Variants in SMARCA2 observed in about 807,000 individuals in gnomAD.
The protein encoded by SMARCA2 is SWI/SNF-related matrix-associated actin-dependent regulator of chromatin subfamily A member 2.
SMARCA2 carries 61 observed loss-of-function variants against 199.8 expected under a neutral mutation model. The ratio of observed to expected loss-of-function variants is 0.31; its 90% CI spans 0.25 to 0.38. The LOEUF (loss-of-function observed/expected upper bound fraction) is 0.38, where lower values mean the gene tolerates loss of function less well. SMARCA2 is among the 10% of genes least tolerant of loss of function. The pLI is 1.00. For synonymous variants in SMARCA2, 935 were observed against 732.0 expected (o/e 1.28, Z -4.48); for missense variants, 1,344 against 2,012.2 (o/e 0.67, Z 6.35).
intron 9 of SMARCA2, among the ~76,000 whole-genome samples, chr9:2,066,570 C>A (rs895375711): frequency 5.3e-5 from 8 of 152,156 alleles, no homozygotes; most frequent in Non-Finnish European, 8.8e-5. Flanking sequence ...CCTATCATGT[C>A]CCCTTACATG....
chr9:2,137,136 T>G (rs965402517), intron 27 of SMARCA2, among the ~76,000 whole-genome samples: 1 of 152,198 alleles, frequency 6.6e-6, no homozygotes, highest in African/African-American at 2.4e-5. Context: ...TTCATTCACC[T>G]TTGAGAAAAG....
At chr9:2,064,908 G>C (rs1372804506) in intron 9 of SMARCA2, among the ~76,000 whole-genome samples, 1 of 152,216 alleles carries the variant, frequency 6.6e-6, no homozygotes, top group African/African-American at 2.4e-5. Flanking sequence ...CCATCAGCTG[G>C]GTGCGGCGGC....
At chr9:2,178,169 T>G (rs1220521292) in intron 29 of SMARCA2, among the ~76,000 whole-genome samples, 1 of 152,154 alleles carries the variant, frequency 6.6e-6, no homozygotes, top group Non-Finnish European at 1.5e-5. Context: ...CATGGCCACG[T>G]CGCGGTGTCT....
At position 2,119,991 on chromosome 9, in the gene SMARCA2, C is replaced by A. The variant is rs1472611754; in HGVS notation, c.3762+456C>A. Among the ~76,000 whole-genome samples, 1 of 152,176 alleles carries A rather than the reference C, an allele frequency of 6.6e-6. No homozygotes were observed. Among genetic ancestry groups the A allele is most frequent in the African/African-American group, 2.4e-5 (1 of 41,432 alleles). On this transcript the variant is annotated intron_variant, in intron 26 of 33. Transcript: ENST00000349721. This position sits in a 1 kb window ranked among gnomAD's most constrained non-coding sequence, Gnocchi z 4.6. ...TAGGCATTGGAACTTACAACAGTGC[C>A]CTTACAGGATCAAAGCAACATGCTC...
In SMARCA2 at chr9:2,185,143, G is replaced by C. The variant is rs558509869; in HGVS notation, c.4462-953G>C. Among the ~76,000 whole-genome samples the C allele has an allele frequency of 3.5e-4, 53 of 152,146 alleles. No homozygotes were observed. In the South Asian group the frequency reaches 0.011, roughly 32 times the overall value. The stretch of plus-strand genomic sequence containing the variant: ...CAGATCTTCAGAACTTTTTAATCTT[G>C]CGACTCTGAAACTGCGTGCCTACGA... On this transcript the variant is annotated intron_variant, in intron 31 of 33. Coordinates refer to ENST00000349721, the MANE Select transcript of SMARCA2 (RefSeq NM_003070.5).
intron 9 of SMARCA2, among the ~76,000 whole-genome samples, chr9:2,062,161 G>A (rs1308283295): frequency 1.3e-5 from 2 of 152,182 alleles, no homozygotes; most frequent in Non-Finnish European, 2.9e-5. Context: ...CCACTGAACT[G>A]TAGACTTAAG....
At chr9:2,175,625 T>G (rs977045525) in intron 29 of SMARCA2, among the ~76,000 whole-genome samples, 59 of 152,214 alleles carry the variant, frequency 3.9e-4, no homozygotes, top group Non-Finnish European at 3.4e-4. Flanking sequence ...GATATTTGAC[T>G]TATGGCATGT....
rs760040942 is a variant in SMARCA2, at chr9:2,084,098, A to G, written c.2428A>G (p.Met810Val). The change falls in exon 17 of 34, where the codon ATG becomes GTG. Residue 810 changes from methionine to valine, a missense_variant. By Grantham distance (21) the Met-to-Val change is conservative. Around this residue, in one of 18 missense-constraint regions of SMARCA2, gnomAD observed 50 missense variants for 81.6 expected, o/e 0.61. Coordinates refer to ENST00000349721, the MANE Select transcript of SMARCA2 (RefSeq NM_003070.5). Reference protein sequence around the residue: ...VKISYKGTPAMRRSLVPQLRS... With the variant: ...VKISYKGTPAVRRSLVPQLRS... ...TCTTTCCATTCAGGGTACTCCTGCCATGCGTCGCTCCCTTGTCCCCCAGCT... is the reference window on the plus strand; with the variant it reads ...TCTTTCCATTCAGGGTACTCCTGCCGTGCGTCGCTCCCTTGTCCCCCAGCT... 13 of 1,606,262 alleles carry G rather than the reference A, an allele frequency of 8.1e-6. No homozygotes were observed. The highest frequency in any genetic ancestry group is 6.7e-5 in the East Asian group (3 of 44,872).
At position 2,169,561 on chromosome 9, in the gene SMARCA2, C is replaced by A. The variant is rs1406623169; in HGVS notation, c.4200-858C>A. Reference sequence around the variant, plus strand: ...TTATGCTTTTCCCTCTCTGCAACACCCCGACCCCACACTGACTCTAGAGCA... The same window carrying A: ...TTATGCTTTTCCCTCTCTGCAACACACCGACCCCACACTGACTCTAGAGCA... On this transcript the variant is annotated intron_variant, in intron 28 of 33. Transcript: ENST00000349721. This position sits in a 1 kb window ranked among gnomAD's most constrained non-coding sequence, Gnocchi z 6.5. 6.6e-6 allele frequency among the ~76,000 whole-genome samples: 1 copy of A among 152,110 alleles called. No individual in the cohort carries two copies. Among genetic ancestry groups the A allele is most frequent in the East Asian group, 1.9e-4 (1 of 5,196 alleles).
chr9:2,032,763 T>C (rs1486563401), intron 2 of SMARCA2, 189 bp from the exon 3 acceptor site: 34 of 486,732 alleles, frequency 7.0e-5, no homozygotes, highest in East Asian at 4.8e-4. Context: ...CCTCCACTGT[T>C]TAAAGACTTA....
chr9:2,064,427 C>A lies in SMARCA2; in HGVS notation c.1692+3441C>A, dbSNP rs1015220201. Among the ~76,000 whole-genome samples the A allele has an allele frequency of 7.9e-5, 12 of 152,174 alleles. No homozygotes were observed. The East Asian group carries it at 1.9e-3, about 24-fold the overall frequency. On this transcript the variant is annotated intron_variant, in intron 9 of 33. Coordinates refer to ENST00000349721, the MANE Select transcript of SMARCA2 (RefSeq NM_003070.5). ...TTTATCTAAAGCATGTAGAATACAC[C>A]CTAACATATAGTAAGTGCTCAGTAA...
In SMARCA2 at chr9:2,029,088, C is replaced by T. The variant is rs780915633; in HGVS notation, c.66C>T (p.Ser22=). 1.5e-5 allele frequency: 24 copies of T among 1,582,456 alleles called. No homozygotes were observed. The highest frequency in any genetic ancestry group is 1.9e-5 in the Non-Finnish European group (22 of 1,162,638). Residue 22 remains serine, a synonymous_variant, in exon 2 of 34, where the codon TCC becomes TCT. Coordinates refer to ENST00000349721, the MANE Select transcript of SMARCA2 (RefSeq NM_003070.5). ...GGCCTTCGCCGGGGCCTGGGCCTTC[C>T]CCTGGGCCAATTCTTGGGCCTAGTC... is the stretch of plus-strand genomic sequence containing the variant. ...HPGPSPGPGP[S]PGPILGPSPG...
At position 2,170,996 on chromosome 9, in the gene SMARCA2, T is replaced by C. The variant is rs117905076; in HGVS notation, c.4253+524T>C. 0.011 allele frequency among the ~76,000 whole-genome samples: 1,616 copies of C among 152,300 alleles called. 18 individuals carry two copies. Among genetic ancestry groups the C allele is most frequent in the Non-Finnish European group, 0.016 (1,089 of 68,028 alleles). ...CTCTTGTTTGTGTGATGGGTTGGGTTTCAGGGTGTGACTCCTGGGCCTACC... is the reference window on the plus strand; with the variant it reads ...CTCTTGTTTGTGTGATGGGTTGGGTCTCAGGGTGTGACTCCTGGGCCTACC... On this transcript the variant is annotated intron_variant, in intron 29 of 33. Transcript: ENST00000349721. The surrounding 1 kb of genome is among the most constrained non-coding windows in gnomAD (Gnocchi z 4.7).
chr9:2,107,317 A>AT (rs779802154), intron 23 of SMARCA2, among the ~76,000 whole-genome samples: 5 of 152,000 alleles, frequency 3.3e-5, no homozygotes, highest in Admixed American at 6.6e-5. Flanking sequence ...TATACAGTTT[A>AT]TTTAATTTAA....
At chr9:2,027,913 T>C (rs1818902514) in intron 1 of SMARCA2, 1 of 152,270 alleles carries the variant, frequency 6.6e-6, no homozygotes, top group Non-Finnish European at 1.5e-5. Flanking sequence ...TTCAGCTATC[T>C]TGCCGGCATC....
chr9:2,042,004 A>G (rs567843573), intron 4 of SMARCA2: 2 of 152,170 alleles, frequency 1.3e-5, no homozygotes, highest in Non-Finnish European at 2.9e-5. Flanking sequence ...CATGTTCTTA[A>G]CCACTTTCCC....
chr9:2,098,650 T>G (rs1035783816), intron 21 of SMARCA2, among the ~76,000 whole-genome samples: 10 of 152,068 alleles, frequency 6.6e-5, no homozygotes, highest in African/African-American at 2.2e-4. Flanking sequence ...AACAACACTT[T>G]AAAAATCTCA....
chr9:2,040,202 C>T, intron 4 of SMARCA2: 1 of 587,796 alleles, frequency 1.7e-6, no homozygotes. Flanking sequence ...AGCCCATCCA[C>T]ACACACAAGG....
intron 27 of SMARCA2, among the ~76,000 whole-genome samples, chr9:2,128,357 C>G (rs1474467109): frequency 2.0e-5 from 3 of 152,214 alleles, no homozygotes; most frequent in African/African-American, 7.2e-5. Context: ...GCCACAGGCA[C>G]TAGTTAGAAG....
Sources: allele counts gnomAD v4.1 joint callset (sites outside exome capture counted in the v4.1 genomes callset), GRCh38; gene constraint gnomAD v4.1.1; regional missense constraint gnomAD v4.1.1; non-coding constraint Gnocchi (gnomAD v3.1); transcripts MANE v1.5; gene names NCBI Gene and HGNC (gene_info 2026-07-23, HGNC 2026-07-21).